The following THSD7B variants were observed in gnomAD, a reference collection of about 807,000 sequenced individuals.
THSD7B encodes the protein thrombospondin type 1 domain containing 7B.
THSD7B carries 138 observed loss-of-function variants against 213.6 expected under a neutral mutation model. The observed-to-expected ratio is 0.65, with a 90% CI of 0.56 to 0.74. THSD7B has a LOEUF of 0.74. Among genes scored for constraint, THSD7B ranks in the 30% least tolerant of loss-of-function variants. The pLI, the probability that THSD7B is intolerant of heterozygous loss-of-function variation, is 0.00. For missense variants in THSD7B, 1,931 were observed against 1,991.5 expected (o/e 0.97, Z 0.58); for synonymous variants, 742 against 687.0 (o/e 1.08, Z -1.25).
At chr2:136,876,968 AC>A (rs1687182218) in intron 1 of THSD7B, among the ~76,000 whole-genome samples, 2 of 152,106 alleles carry the variant, frequency 1.3e-5, no homozygotes, top group African/African-American at 4.8e-5. Context: ...TGACTGTGGC[AC>A]TGTCTCCTCT....
At chr2:137,473,375 A>AT (rs1234808599) in intron 15 of THSD7B, among the ~76,000 whole-genome samples, 1 of 151,776 alleles carries the variant, frequency 6.6e-6, no homozygotes, top group Admixed American at 6.6e-5. Context: ...CACCTGGCTA[A>AT]TTTTTTGTAT....
chr2:137,571,999 G>T (rs139556065), intron 16 of THSD7B, among the ~76,000 whole-genome samples: 2 of 152,318 alleles, frequency 1.3e-5, no homozygotes, highest in African/African-American at 4.8e-5. Context: ...CAGGAAGTAG[G>T]AAGGTTCTAG....
chr2:137,148,372 CA>C (rs2104971892), intron 5 of THSD7B, among the ~76,000 whole-genome samples: 1 of 152,114 alleles, frequency 6.6e-6, no homozygotes, highest in African/African-American at 2.4e-5. Flanking sequence ...TGGACTAATA[CA>C]AAAAACTGGT....
intron 15 of THSD7B, among the ~76,000 whole-genome samples, chr2:137,489,801 C>T (rs966522858): frequency 2.0e-5 from 3 of 152,026 alleles, no homozygotes; most frequent in Non-Finnish European, 4.4e-5. Context: ...CTGAAATCAC[C>T]ATATTTTAAA....
intron 1 of THSD7B, among the ~76,000 whole-genome samples, chr2:136,860,803 C>T (rs560024541): frequency 6.6e-6 from 1 of 152,300 alleles, no homozygotes; most frequent in South Asian, 2.1e-4. Context: ...TCCAGAAGCT[C>T]CCCAAATTAC....
intron 12 of THSD7B, among the ~76,000 whole-genome samples, chr2:137,299,321 T>TGCTTTTGATTTTACTGGCTC (rs1264598059): frequency 1.9e-4 from 29 of 152,246 alleles, no homozygotes; most frequent in African/African-American, 6.0e-4. Flanking sequence ...GTAACTGGCT[T>TGCTTTTGATTTTACTGGCTC]GCTTTTGATT....
At chr2:137,578,716 A>G (rs1681513658) in intron 17 of THSD7B, among the ~76,000 whole-genome samples, 1 of 152,138 alleles carries the variant, frequency 6.6e-6, no homozygotes, top group African/African-American at 2.4e-5. Flanking sequence ...AGGACTGGTT[A>G]TTGGCTAGAG....
chr2:136,899,940 C>T (rs10200827), intron 2 of THSD7B, among the ~76,000 whole-genome samples: 10,156 of 152,212 alleles, frequency 0.067, 396 homozygotes, highest in Middle Eastern at 0.18. Context: ...TGAAAAATCA[C>T]TTTTCAAATT....
At position 137,563,262 on chromosome 2, in the gene THSD7B, T is replaced by C. The variant is rs141034102; in HGVS notation, c.3180T>C (p.Tyr1060=). Residue 1060 remains tyrosine (Y), a synonymous_variant, in exon 16 of 28, where the codon TAT becomes TAC. Transcript: ENST00000409968. The stretch of plus-strand genomic sequence containing the variant: ...CATGTTACAGTGAGTGCAATCAGTA[T>C]TCCTGGGTTGTAGAACACTGGTCTT... ...AVPCYSECNQ[Y]SWVVEHWSSC... is the part of the protein sequence containing the mutation. 505 of 1,613,528 alleles carry C rather than the reference T, an allele frequency of 3.1e-4. 1 individual carries two copies. Among genetic ancestry groups the C allele is most frequent in the African/African-American group, 2.4e-3 (180 of 75,022 alleles).
At chr2:137,089,632 GAC>G (rs1182015060) in intron 3 of THSD7B, among the ~76,000 whole-genome samples, 2 of 152,068 alleles carry the variant, frequency 1.3e-5, no homozygotes, top group East Asian at 3.9e-4. Flanking sequence ...GCATAAGAAT[GAC>G]ACAAAGGATT....
intron 2 of THSD7B, among the ~76,000 whole-genome samples, chr2:136,965,315 A>T (rs1205321280): frequency 6.6e-6 from 1 of 152,220 alleles, no homozygotes; most frequent in African/African-American, 2.4e-5. Context: ...TTTTAGACAG[A>T]TAATAAACAA....
At chr2:137,412,917 TA>T (rs774410337) in intron 14 of THSD7B, among the ~76,000 whole-genome samples, 5 of 151,422 alleles carry the variant, frequency 3.3e-5, no homozygotes, top group Admixed American at 3.3e-4. Flanking sequence ...ACTAGTTTTT[TA>T]AAAAGAATAA....
At chr2:137,187,537 A>T (rs1403702631) in intron 7 of THSD7B, among the ~76,000 whole-genome samples, 2 of 152,164 alleles carry the variant, frequency 1.3e-5, no homozygotes, top group East Asian at 3.8e-4. Context: ...ATGCACAATG[A>T]GTTGCACAGT....
At chr2:137,004,900 T>C (rs1351652693) in intron 2 of THSD7B, among the ~76,000 whole-genome samples, 1 of 152,242 alleles carries the variant, frequency 6.6e-6, no homozygotes, top group Non-Finnish European at 1.5e-5. Context: ...TAAATAACTA[T>C]GAAGAGGTAA....
At position 136,946,695 on chromosome 2, in the gene THSD7B, C is replaced by T. The variant is rs569293762; in HGVS notation, c.139+64378C>T. ...CTACTCAAGCCTCAGCAATGGTGGACACCCCTCCGCCTGCTGGGCTGCTGC... is the reference window on the plus strand; with the variant it reads ...CTACTCAAGCCTCAGCAATGGTGGATACCCCTCCGCCTGCTGGGCTGCTGC... On this transcript the variant is annotated intron_variant, in intron 2 of 27. Coordinates refer to ENST00000409968, the MANE Select transcript of THSD7B (RefSeq NM_001316349.2). 4.6e-5 allele frequency among the ~76,000 whole-genome samples: 7 copies of T among 152,306 alleles called. No homozygotes were observed. The East Asian group carries it at 1.4e-3, about 29-fold the overall frequency.
intron 2 of THSD7B, among the ~76,000 whole-genome samples, chr2:136,941,373 T>C (rs1015390483): frequency 2.0e-5 from 3 of 152,194 alleles, no homozygotes; most frequent in Non-Finnish European, 2.9e-5. Flanking sequence ...ATATATCCAG[T>C]AATGGAATGG....
intron 27 of THSD7B, among the ~76,000 whole-genome samples, chr2:137,673,167 G>C (rs1683616160): frequency 6.6e-6 from 1 of 152,214 alleles, no homozygotes; most frequent in East Asian, 1.9e-4. Flanking sequence ...GCTGAGAAGT[G>C]CCAGAGGCTT....
chr2:137,084,970 A>G (rs1301691446), intron 3 of THSD7B, among the ~76,000 whole-genome samples: 2 of 152,194 alleles, frequency 1.3e-5, no homozygotes, highest in Admixed American at 6.5e-5. Flanking sequence ...TAGAGAAGAT[A>G]GTGTTAGTAT....
At chr2:136,809,347 A>C (rs369509805) in intron 1 of THSD7B, among the ~76,000 whole-genome samples, 13 of 152,292 alleles carry the variant, frequency 8.5e-5, no homozygotes, top group African/African-American at 2.9e-4. Flanking sequence ...GCCTGAAAGC[A>C]CAATGCTTGC....
Sources: allele counts gnomAD v4.1 joint callset (sites outside exome capture counted in the v4.1 genomes callset), GRCh38; gene constraint gnomAD v4.1.1; transcripts MANE v1.5; gene names NCBI Gene and HGNC (gene_info 2026-07-23, HGNC 2026-07-21).